Variants in PSMD1 observed in about 807,000 individuals in gnomAD.
The protein encoded by PSMD1 is proteasome 26S subunit, non-ATPase 1.
Under a neutral mutation model 119.0 loss-of-function variants are expected in PSMD1, and 18 were observed. That is an observed-to-expected ratio of 0.15 (90% CI 0.10 to 0.22). The LOEUF (loss-of-function observed/expected upper bound fraction) is 0.22. Among genes scored for constraint, PSMD1 ranks in the 10% least tolerant of loss-of-function variants. The pLI is 1.00. For missense variants in PSMD1, 702 were observed against 1,158.5 expected (o/e 0.61, Z 5.72); for synonymous variants, 374 against 396.6 (o/e 0.94, Z 0.68).
At chr2:231,114,379 G>A (rs1468667461) in intron 16 of PSMD1, among the ~76,000 whole-genome samples, 1 of 152,186 alleles carries the variant, frequency 6.6e-6, no homozygotes, top group Admixed American at 6.5e-5. Context: ...GGGAGTCTCT[G>A]TGACACCTGG....
In PSMD1 at chr2:231,163,621, T is replaced by C; in HGVS notation, c.2389-14T>C. ...GTACTTAAAGCCAATGTTATTTTAA[T>C]GGAATTTCTTCAGATGCCGAAAGTT... is the stretch of plus-strand genomic sequence containing the variant. On this transcript the variant is annotated splice_polypyrimidine_tract_variant and intron_variant, in intron 20 of 24. Transcript: ENST00000308696. The C allele has an allele frequency of 1.9e-6, 3 of 1,590,732 alleles. No homozygotes were observed. In the South Asian group the frequency reaches 3.3e-5, roughly 18 times the overall value.
In PSMD1 at chr2:231,079,611, T is replaced by C; in HGVS notation, c.1236T>C (p.His412=). The change falls in exon 11 of 25, where the codon CAT becomes CAC. Residue 412 remains histidine, a synonymous_variant. Transcript: ENST00000308696. ...CTACAGCCAGTTTGGGTGTAATTCA[T>C]AAGGTAATATATATTGGTCAGTGTA... ...FTATASLGVI[H]KGHEKEALQL... 1 of 1,598,620 alleles carries C rather than the reference T, an allele frequency of 6.3e-7. No individual in the cohort carries two copies. The highest frequency in any genetic ancestry group is 1.3e-5 in the African/African-American group (1 of 74,694).
At chr2:231,087,225 T>C in intron 16 of PSMD1, 44 bp downstream of exon 16, 1 of 1,557,342 alleles carries the variant, frequency 6.4e-7, no homozygotes, top group Non-Finnish European at 8.8e-7. Flanking sequence ...TTCATTTTTT[T>C]TGGAAATGTA....
chr2:231,096,328 T>G (rs1694725189), intron 16 of PSMD1, among the ~76,000 whole-genome samples: 1 of 152,200 alleles, frequency 6.6e-6, no homozygotes, highest in African/African-American at 2.4e-5. Flanking sequence ...TATTTTTTTC[T>G]GTTAATGGCG....
intron 6 of PSMD1, among the ~76,000 whole-genome samples, chr2:231,070,529 G>A (rs554819098): frequency 6.6e-6 from 1 of 152,106 alleles, no homozygotes; most frequent in African/African-American, 2.4e-5. Flanking sequence ...AGAATTCAAA[G>A]TGTATAAATT....
At chr2:231,139,116 T>C in intron 17 of PSMD1, 2 of 465,778 alleles carry the variant, frequency 4.3e-6, no homozygotes, top group Non-Finnish European at 4.0e-6. Flanking sequence ...TCTGGGTTTT[T>C]TGTTTTTGTT....
rs577105223 is a variant in PSMD1 at position 231,153,909 on chromosome 2, T to A, written c.2218+243T>A. Among the ~76,000 whole-genome samples, 7 of 151,282 alleles carry A rather than the reference T, an allele frequency of 4.6e-5. No homozygotes were observed. The South Asian group carries it at 1.3e-3, about 27-fold the overall frequency. On this transcript the variant is annotated intron_variant, in intron 19 of 24. Transcript: ENST00000308696. ...TGGGTGGATCACCTGAGGTTGGGAGTTCGAGACCAGCCTGACCAACATGGA... is the reference window on the plus strand; with the variant it reads ...TGGGTGGATCACCTGAGGTTGGGAGATCGAGACCAGCCTGACCAACATGGA...
intron 16 of PSMD1, among the ~76,000 whole-genome samples, chr2:231,098,515 CTTCTT>C (rs1212804824): frequency 6.6e-6 from 1 of 151,292 alleles, no homozygotes; most frequent in Non-Finnish European, 1.5e-5. Flanking sequence ...TTTTCTGTCT[CTTCTT>C]CTCTTTCTCT....
At chr2:231,102,388 C>T (rs1434353547) in intron 16 of PSMD1, among the ~76,000 whole-genome samples, 1 of 152,184 alleles carries the variant, frequency 6.6e-6, no homozygotes, top group East Asian at 1.9e-4. Flanking sequence ...ACAACTCTTA[C>T]ACTGTCGAAA....
Position 231,126,357 on chromosome 2 carries a change from A to C in PSMD1, c.1884-12379A>C, listed in dbSNP as rs144650008. Among the ~76,000 whole-genome samples the C allele has an allele frequency of 1.1e-4, 17 of 152,190 alleles. 1 individual carries two copies. The East Asian group carries it at 3.3e-3, about 29-fold the overall frequency. On this transcript the variant is annotated intron_variant, in intron 16 of 24. Transcript: ENST00000308696. ...AGACCTGAGGCAGGAGGATTGCATG[A>C]ACCTGGGGGAGGTCGAGGCTGCAGT...
At chr2:231,163,541 C>A in intron 20 of PSMD1, 94 bp from the exon 21 acceptor site, 1 of 786,034 alleles carries the variant, frequency 1.3e-6, no homozygotes, top group African/African-American at 1.7e-5. Context: ...GAACATACAG[C>A]CTGCATTAAA....
intron 16 of PSMD1, among the ~76,000 whole-genome samples, chr2:231,117,479 T>C (rs1011145259): frequency 1.3e-5 from 2 of 152,146 alleles, no homozygotes; most frequent in Non-Finnish European, 2.9e-5. Context: ...ATAGCATTTC[T>C]GTCAATGCCT....
intron 21 of PSMD1, among the ~76,000 whole-genome samples, chr2:231,164,762 C>T (rs1252584748): frequency 6.6e-6 from 1 of 151,668 alleles, no homozygotes; most frequent in East Asian, 1.9e-4. Context: ...ACATATAGTC[C>T]AGAGAGGATA....
chr2:231,098,997 G>C (rs890569920), intron 16 of PSMD1, among the ~76,000 whole-genome samples: 11 of 152,162 alleles, frequency 7.2e-5, no homozygotes, highest in Non-Finnish European at 1.5e-4. Context: ...CTTTTAGAGA[G>C]GGGTATTTAG....
At chr2:231,065,243 T>C (rs1432297196) in intron 4 of PSMD1, among the ~76,000 whole-genome samples, 1 of 151,736 alleles carries the variant, frequency 6.6e-6, no homozygotes, top group Non-Finnish European at 1.5e-5. Context: ...GTATATGTCA[T>C]TCCTCTTGGG....
Position 231,170,824 on chromosome 2 carries a change from A to T in PSMD1, c.*9+103A>T. The stretch of plus-strand genomic sequence containing the variant: ...ACGTTTTTCCTTCCTTTTGTGTTTA[A>T]TCCTTATTTACCTAAACAGTATTAA... On this transcript the variant is annotated intron_variant, in intron 24 of 24. Coordinates refer to ENST00000308696, the MANE Select transcript of PSMD1 (RefSeq NM_002807.4). This position sits in a 1 kb window ranked among gnomAD's most constrained non-coding sequence, Gnocchi z 4.1. 8.0e-7 allele frequency: 1 copy of T among 1,246,316 alleles called. No individual in the cohort carries two copies. 77.2% of individuals were successfully genotyped at this position (1,246,316 alleles called of 1,614,324 possible).
At chr2:231,167,321 G>A (rs759446472) in intron 23 of PSMD1, among the ~76,000 whole-genome samples, 14 of 152,148 alleles carry the variant, frequency 9.2e-5, no homozygotes, top group Non-Finnish European at 1.6e-4. Flanking sequence ...GACACAACTA[G>A]AGCATACTCT....
At chr2:231,128,069 C>T (rs1332934626) in intron 16 of PSMD1, among the ~76,000 whole-genome samples, 1 of 152,260 alleles carries the variant, frequency 6.6e-6, no homozygotes, top group Non-Finnish European at 1.5e-5. Context: ...CTTTATAGGT[C>T]TAGGAAGACA....
At chr2:231,129,998 C>A (rs905084081) in intron 16 of PSMD1, among the ~76,000 whole-genome samples, 5 of 152,260 alleles carry the variant, frequency 3.3e-5, no homozygotes, top group Non-Finnish European at 7.4e-5. Context: ...GGATTACAGG[C>A]GCCCACCAGC....
Sources: allele counts gnomAD v4.1 joint callset (sites outside exome capture counted in the v4.1 genomes callset), GRCh38; gene constraint gnomAD v4.1.1; non-coding constraint Gnocchi (gnomAD v3.1); transcripts MANE v1.5; gene names NCBI Gene and HGNC (gene_info 2026-07-23, HGNC 2026-07-21).